Variants in ARFGAP2 observed in about 807,000 individuals in gnomAD.
The protein encoded by ARFGAP2 is ARF GTPase activating protein 2.
Under a neutral mutation model 71.9 loss-of-function variants are expected in ARFGAP2, and 45 were observed. The observed-to-expected ratio is 0.63, with a 90% CI of 0.49 to 0.80. ARFGAP2 has a LOEUF of 0.80. ARFGAP2 is among the 30% of genes least tolerant of loss of function. The pLI, the probability that ARFGAP2 is intolerant of heterozygous loss-of-function variation, is 0.00. For synonymous variants in ARFGAP2, 248 were observed against 249.2 expected (o/e 1.00, Z 0.05); for missense variants, 633 against 673.9 (o/e 0.94, Z 0.67).
intron 3 of ARFGAP2, 126 bp downstream of exon 3, chr11:47,175,725 C>T (rs956834648): frequency 1.2e-5 from 13 of 1,091,018 alleles, no homozygotes; most frequent in African/African-American, 4.7e-5. Flanking sequence ...CAGAAAATAG[C>T]TTATGGTGGT....
rs1952656033 is a variant in ARFGAP2 at position 47,172,831 on chromosome 11, T to C, written c.620-498A>G. ...GAGCTCCCAAGCCCAGCGGTCTCTA[T>C]GAAGCCCTGCTTCAGACCAAGCTAT... On this transcript the variant is annotated intron_variant, in intron 7 of 15. Coordinates refer to ENST00000524782, the MANE Select transcript of ARFGAP2 (RefSeq NM_032389.6). 7 of 1,241,778 alleles carry C rather than the reference T, an allele frequency of 5.6e-6. No individual in the cohort carries two copies. In the South Asian group the frequency reaches 7.5e-5, roughly 13 times the overall value. 76.9% of individuals were successfully genotyped at this position (1,241,778 alleles called of 1,614,324 possible).
intron 5 of ARFGAP2, 66 bp from the exon 6 acceptor site, chr11:47,173,906 C>G: frequency 1.3e-6 from 2 of 1,549,116 alleles, no homozygotes; most frequent in Non-Finnish European, 1.7e-6. Context: ...GCACCAAGAC[C>G]TACAAGCACC....
At chr11:47,173,021 G>A (rs2135433016) in intron 7 of ARFGAP2, 3 of 357,134 alleles carry the variant, frequency 8.4e-6, no homozygotes, top group South Asian at 6.8e-5. Flanking sequence ...ACAGGCTGGG[G>A]TACTGGCTGA....
Position 47,171,573 on chromosome 11 carries a change from G to C in ARFGAP2, c.810-16C>G. The C allele has an allele frequency of 1.9e-6, 3 of 1,614,152 alleles. No individual in the cohort carries two copies. The highest frequency in any genetic ancestry group is 2.5e-6 in the Non-Finnish European group (3 of 1,180,016). On this transcript the variant is annotated splice_polypyrimidine_tract_variant and intron_variant, in intron 9 of 15. Coordinates refer to ENST00000524782, the MANE Select transcript of ARFGAP2 (RefSeq NM_032389.6). ...GGAGGCGACCCTTAGGGGGAACAAAGGTGTCAGTGGCCACCACCCATCCTG... is the reference window on the plus strand; with the variant it reads ...GGAGGCGACCCTTAGGGGGAACAAACGTGTCAGTGGCCACCACCCATCCTG...
At chr11:47,169,343 C>G (rs1261400736) in intron 10 of ARFGAP2, 1 of 151,896 alleles carries the variant, frequency 6.6e-6, no homozygotes, top group Non-Finnish European at 1.5e-5. Context: ...CCTCAAAGCA[C>G]AAAGACTGGC....
chr11:47,176,437 C>A, intron 2 of ARFGAP2, 79 bp downstream of exon 2: 1 of 1,371,186 alleles, frequency 7.3e-7, no homozygotes, highest in Non-Finnish European at 1.0e-6. Flanking sequence ...CGGCCCAAGT[C>A]GAGGCAGCCA....
chr11:47,175,826 G>T (rs1306572786), intron 3 of ARFGAP2, 25 bp downstream of exon 3: 3 of 1,613,928 alleles, frequency 1.9e-6, no homozygotes, highest in Non-Finnish European at 1.7e-6. Context: ...AGAATGGAAG[G>T]TGAGGGAAGT....
rs146311763 is a variant in ARFGAP2 at position 47,175,162 on chromosome 11, C to G, written c.396+20G>C. ...AATACTCCTAACCCTCCTGCCCCAGCCCCAAGAACAGGCACTTACATCAGT... is the reference window on the plus strand; with the variant it reads ...AATACTCCTAACCCTCCTGCCCCAGGCCCAAGAACAGGCACTTACATCAGT... On this transcript the variant is annotated intron_variant, in intron 4 of 15. Coordinates refer to ENST00000524782, the MANE Select transcript of ARFGAP2 (RefSeq NM_032389.6). 6.2e-7 allele frequency: 1 copy of G among 1,614,094 alleles called. No homozygotes were observed. The highest frequency in any genetic ancestry group is 8.5e-7 in the Non-Finnish European group (1 of 1,179,936).
chr11:47,176,619 C>T lies in ARFGAP2; in HGVS notation c.88G>A (p.Gly30Ser), dbSNP rs765623032. 6.2e-7 allele frequency: 1 copy of T among 1,614,084 alleles called. No individual in the cohort carries two copies. The highest frequency in any genetic ancestry group is 1.1e-5 in the South Asian group (1 of 91,086). Residue 30 changes from glycine to serine, a missense_variant, in exon 2 of 16, where the codon GGC becomes AGC. By Grantham distance (56) the Gly-to-Ser change is moderately conservative. Coordinates refer to ENST00000524782, the MANE Select transcript of ARFGAP2 (RefSeq NM_032389.6). The part of the protein sequence containing the change: ...VPTNKACFDC[G>S]AKNPSWASIT... Reference sequence around the variant, plus strand: ...CTGGCCCAACTCGGATTCTTGGCGCCGCAGTCGAAACAGGCCTGGGTGGAG... The same window carrying T: ...CTGGCCCAACTCGGATTCTTGGCGCTGCAGTCGAAACAGGCCTGGGTGGAG...
intron 10 of ARFGAP2, among the ~76,000 whole-genome samples, chr11:47,168,951 T>C (rs1243898329): frequency 6.6e-6 from 1 of 151,216 alleles, no homozygotes; most frequent in Non-Finnish European, 1.5e-5. Flanking sequence ...GATGAAGAAA[T>C]GCCCCAGCAC....
chr11:47,171,027 T>C (rs982762870), intron 10 of ARFGAP2, among the ~76,000 whole-genome samples: 1 of 151,930 alleles, frequency 6.6e-6, no homozygotes, highest in Non-Finnish European at 1.5e-5. Context: ...GCATTTGAAA[T>C]GTGGGGGATA....
chr11:47,171,514 G>C lies in ARFGAP2; in HGVS notation c.853C>G (p.Arg285Gly). The stretch of plus-strand genomic sequence containing the variant: ...TGTAGCTTCTTTTCCTCTTTCTTAC[G>C]ATCAATCTGGAGCTCCTGGTAGGCC... ...RLAYQELQIDRKKEEKKLQNL... is the reference protein window; with the variant it reads ...RLAYQELQIDGKKEEKKLQNL... The change falls in exon 10 of 16, where the codon CGT becomes GGT. Residue 285 changes from arginine (R) to glycine (G), a missense_variant. Transcript: ENST00000524782. 3 of 1,614,006 alleles carry C rather than the reference G, an allele frequency of 1.9e-6. No individual in the cohort carries two copies. The highest frequency in any genetic ancestry group is 2.5e-6 in the Non-Finnish European group (3 of 1,180,002).
rs779849033 is a variant in ARFGAP2, at chr11:47,175,859, C to T, written c.256G>A (p.Ala86Thr). The T allele has an allele frequency of 6.2e-7, 1 of 1,614,140 alleles. No individual in the cohort carries two copies. The highest frequency in any genetic ancestry group is 1.7e-5 in the Admixed American group (1 of 60,024). ...AGTAGAAGGAGCTTTACCGCATTGG[C>T]ATTCCCGCCGACCTGCATACACCTC... is the stretch of plus-strand genomic sequence containing the variant. ...QLRCMQVGGN[A>T]NATAFFRQHG... Residue 86 changes from alanine to threonine, a missense_variant, in exon 3 of 16, where the codon GCC becomes ACC. Coordinates refer to ENST00000524782, the MANE Select transcript of ARFGAP2 (RefSeq NM_032389.6).
intron 2 of ARFGAP2, 123 bp from the exon 3 acceptor site, chr11:47,176,046 C>T: frequency 3.3e-6 from 3 of 899,104 alleles, no homozygotes; most frequent in East Asian, 5.3e-5. Flanking sequence ...TCAGCCATCA[C>T]CCCATTTCCT....
At chr11:47,175,388 T>G (rs1223752511) in intron 3 of ARFGAP2, 75 bp from the exon 4 acceptor site, 1 of 1,602,792 alleles carries the variant, frequency 6.2e-7, no homozygotes, top group Admixed American at 1.7e-5. Flanking sequence ...GTAGGAGACA[T>G]CTCCTTATGA....
chr11:47,166,063 C>T (rs891580323), intron 15 of ARFGAP2, among the ~76,000 whole-genome samples: 4 of 152,136 alleles, frequency 2.6e-5, no homozygotes, highest in Non-Finnish European at 4.4e-5. Context: ...GGGGTTTTGC[C>T]ATGTTGGTCA....
chr11:47,165,180 C>G lies in ARFGAP2; in HGVS notation c.*302G>C. 1 of 379,618 alleles carries G rather than the reference C, an allele frequency of 2.6e-6. No homozygotes were observed. The highest frequency in any genetic ancestry group is 2.1e-5 in the African/African-American group (1 of 48,254). The allele number at this position is 379,618 out of a possible 1,614,324, so 23.5% of individuals were successfully genotyped here. A position where few individuals can be genotyped will look rare whatever the true frequency, so the allele number is the denominator to read the frequency against. On this transcript the variant is annotated 3_prime_UTR_variant, in exon 16 of 16. Coordinates refer to ENST00000524782, the MANE Select transcript of ARFGAP2 (RefSeq NM_032389.6). ...AGAATAAGCCATCGTGGGGGAACCCCCTTTCCCAGTATGGCAGGATAAGTG... is the reference window on the plus strand; with the variant it reads ...AGAATAAGCCATCGTGGGGGAACCCGCTTTCCCAGTATGGCAGGATAAGTG...
Position 47,174,995 on chromosome 11 carries a change from G to A in ARFGAP2, c.480+20C>T, listed in dbSNP as rs377200538. ...GCCTGTCAAGAACAACTGGGAAAAC[G>A]GTTCCTTGTGGGCACTCACTTGAGT... On this transcript the variant is annotated intron_variant, in intron 5 of 15. Coordinates refer to ENST00000524782, the MANE Select transcript of ARFGAP2 (RefSeq NM_032389.6). The A allele has an allele frequency of 2.9e-5, 46 of 1,612,938 alleles. No individual in the cohort carries two copies. Among genetic ancestry groups the A allele is most frequent in the African/African-American group, 2.4e-4 (18 of 75,018 alleles).
chr11:47,176,872 A>T lies in ARFGAP2; in HGVS notation c.-19T>A, dbSNP rs746030020. The T allele has an allele frequency of 5.0e-6, 8 of 1,610,296 alleles. No individual in the cohort carries two copies. Among genetic ancestry groups the T allele is most frequent in the Non-Finnish European group, 6.8e-6 (8 of 1,178,388 alleles). On this transcript the variant is annotated 5_prime_UTR_variant, in exon 1 of 16. Transcript: ENST00000524782. ...CCGCCATTTTCTCTCCTTCCCAGAC[A>T]CAACCGCGGCTGACGGGTCCCGCCG... is the stretch of plus-strand genomic sequence containing the variant.
Sources: gnomAD v4.1 joint callset for allele counts (sites outside exome capture counted in the v4.1 genomes callset) on GRCh38, gnomAD v4.1.1 for gene constraint, MANE v1.5 for transcripts, NCBI Gene and HGNC (gene_info 2026-07-23, HGNC 2026-07-21) for gene names.